KCND3: variants seen among roughly 807,000 people sequenced by gnomAD.
The protein encoded by KCND3 is A-type voltage-gated potassium channel KCND3.
In KCND3, 9 loss-of-function variants were observed where a neutral mutation model predicts 51.1. The ratio of observed to expected loss-of-function variants is 0.18; its 90% CI spans 0.11 to 0.31. KCND3 has a LOEUF of 0.31. Ranked by LOEUF, KCND3 falls within the 10% of genes least tolerant of loss-of-function variation. The probability of loss-of-function intolerance (pLI) is 1.00; values close to 1 mark genes in which losing one functional copy is unlikely to be tolerated. For missense variants in KCND3, 526 were observed against 903.8 expected (o/e 0.58, Z 5.36); for synonymous variants, 349 against 368.0 (o/e 0.95, Z 0.59).
At chr1:111,850,827 C>T (rs1667781731) in intron 2 of KCND3, among the ~76,000 whole-genome samples, 1 of 152,194 alleles carries the variant, frequency 6.6e-6, no homozygotes, top group Non-Finnish European at 1.5e-5. Flanking sequence ...ACCCACATGA[C>T]ACAGACACAT....
chr1:111,909,144 C>G (rs1670800153), intron 2 of KCND3, among the ~76,000 whole-genome samples: 1 of 152,126 alleles, frequency 6.6e-6, no homozygotes, highest in Non-Finnish European at 1.5e-5. Context: ...CCCACACACA[C>G]TCTTTCATGC....
intron 2 of KCND3, among the ~76,000 whole-genome samples, chr1:111,973,849 A>T (rs1200428955): frequency 2.0e-5 from 3 of 152,202 alleles, no homozygotes; most frequent in African/African-American, 7.2e-5. Flanking sequence ...CTCAGTGGGA[A>T]ATAATGAGGG....
chr1:111,978,077 G>A (rs1674742214), intron 2 of KCND3, among the ~76,000 whole-genome samples: 1 of 152,350 alleles, frequency 6.6e-6, no homozygotes, highest in Non-Finnish European at 1.5e-5. Context: ...AGCCCTGACA[G>A]CAGCTGGGCT....
chr1:111,912,288 T>C (rs1325134992), intron 2 of KCND3, among the ~76,000 whole-genome samples: 1 of 152,218 alleles, frequency 6.6e-6, no homozygotes, highest in Non-Finnish European at 1.5e-5. Flanking sequence ...TCCTATCACC[T>C]AGTGACATAG....
At chr1:111,837,372 T>A (rs1667110738) in intron 2 of KCND3, among the ~76,000 whole-genome samples, 1 of 152,218 alleles carries the variant, frequency 6.6e-6, no homozygotes, top group South Asian at 2.1e-4. Context: ...CAAGAAGATC[T>A]CTGCTGCTCA....
At chr1:111,952,762 A>G (rs1414940068) in intron 2 of KCND3, among the ~76,000 whole-genome samples, 1 of 152,090 alleles carries the variant, frequency 6.6e-6, no homozygotes, top group East Asian at 1.9e-4. Context: ...CTCCTTCTTG[A>G]CATACACAGG....
At chr1:111,779,251 G>A (rs1664265782) in intron 5 of KCND3, among the ~76,000 whole-genome samples, 1 of 152,024 alleles carries the variant, frequency 6.6e-6, no homozygotes, top group Non-Finnish European at 1.5e-5. Flanking sequence ...CTTGAGGCCA[G>A]GAGTTTTAAG....
At chr1:111,941,055 C>T (rs555098180) in intron 2 of KCND3, among the ~76,000 whole-genome samples, 14 of 152,246 alleles carry the variant, frequency 9.2e-5, no homozygotes, top group South Asian at 4.1e-4. Flanking sequence ...AGGAAAGCAG[C>T]GGGGCAGGAG....
intron 2 of KCND3, among the ~76,000 whole-genome samples, chr1:111,799,116 T>C (rs1456529847): frequency 6.6e-6 from 1 of 152,214 alleles, no homozygotes; most frequent in Non-Finnish European, 1.5e-5. Flanking sequence ...ACTACCTGAC[T>C]TATGAGCAAA....
At chr1:111,786,916 C>T (rs1167362101) in intron 3 of KCND3, 28 bp downstream of exon 3, 1 of 1,613,072 alleles carries the variant, frequency 6.2e-7, no homozygotes, top group Non-Finnish European at 8.5e-7. Context: ...CTTTACACTG[C>T]CCCCGCTTCC....
chr1:111,862,496 T>C (rs1346955804), intron 2 of KCND3, among the ~76,000 whole-genome samples: 1 of 152,218 alleles, frequency 6.6e-6, no homozygotes, highest in Non-Finnish European at 1.5e-5. Context: ...TCTAATATGG[T>C]GAGTCTGTAA....
chr1:111,886,384 A>G (rs1437409972), intron 2 of KCND3, among the ~76,000 whole-genome samples: 1 of 152,212 alleles, frequency 6.6e-6, no homozygotes, highest in African/African-American at 2.4e-5. Flanking sequence ...AGTGACCTAG[A>G]TGGCAAAGGC....
intron 2 of KCND3, among the ~76,000 whole-genome samples, chr1:111,934,860 A>T (rs1253726300): frequency 6.6e-6 from 1 of 152,148 alleles, no homozygotes; most frequent in East Asian, 1.9e-4. Context: ...TACTAATAGT[A>T]TCTAAGTCAT....
rs61088602 is a variant in KCND3, at chr1:111,940,073, G to GTTTTTTTTTTTTTTTTTTTTTTTTT, written c.1106+41547_1106+41548insAAAAAAAAAAAAAAAAAAAAAAAAA. The stretch of plus-strand genomic sequence containing the variant: ...TATATCCTTCGCCTACTTTTTGATG[G>GTTTTTTTTTTTTTTTTTTTTTTTTT]TTTTTTTTTTTTTTTTTTTTTTTGT... On this transcript the variant is annotated intron_variant, in intron 2 of 7. Coordinates refer to ENST00000302127, the MANE Select transcript of KCND3 (RefSeq NM_001378969.1). 3.8e-3 allele frequency among the ~76,000 whole-genome samples: 321 copies of GTTTTTTTTTTTTTTTTTTTTTTTTT among 85,454 alleles called. 2 individuals carry two copies. The highest frequency in any genetic ancestry group is 8.1e-3 in the Middle Eastern group (1 of 124). 56.1% of individuals were successfully genotyped at this position (85,454 alleles called of 152,430 possible). A position where few individuals can be genotyped will look rare whatever the true frequency, so the allele number is the denominator to read the frequency against.
At chr1:111,974,573 T>C (rs1230215695) in intron 2 of KCND3, among the ~76,000 whole-genome samples, 12 of 152,144 alleles carry the variant, frequency 7.9e-5, no homozygotes, top group Non-Finnish European at 1.5e-4. Context: ...CAATGGAGCA[T>C]GGACAAGAGC....
chr1:111,836,633 C>T (rs985882182), intron 2 of KCND3, among the ~76,000 whole-genome samples: 5 of 152,110 alleles, frequency 3.3e-5, no homozygotes, highest in Admixed American at 6.5e-5. Flanking sequence ...CTGTGGGTAG[C>T]GGTATTAGGA....
At chr1:111,818,326 A>C (rs1357097097) in intron 2 of KCND3, among the ~76,000 whole-genome samples, 1 of 152,048 alleles carries the variant, frequency 6.6e-6, no homozygotes, top group Non-Finnish European at 1.5e-5. Flanking sequence ...ACAGATTCCC[A>C]CCAGCTTTGG....
chr1:111,866,875 C>T (rs1292230569), intron 2 of KCND3, among the ~76,000 whole-genome samples: 1 of 152,186 alleles, frequency 6.6e-6, no homozygotes, highest in Non-Finnish European at 1.5e-5. Flanking sequence ...TATTCTACAA[C>T]TAATCACCAG....
chr1:111,944,504 G>T (rs1348469), intron 2 of KCND3, among the ~76,000 whole-genome samples: 78,960 of 152,048 alleles, frequency 0.52, 23,499 homozygotes, highest in East Asian at 0.94. Flanking sequence ...GTAGACCTTT[G>T]CGAGGTGAAG....
Sources: gnomAD v4.1 joint callset for allele counts (sites outside exome capture counted in the v4.1 genomes callset) on GRCh38, gnomAD v4.1.1 for gene constraint, MANE v1.5 for transcripts, NCBI Gene and HGNC (gene_info 2026-07-23, HGNC 2026-07-21) for gene names.